Variants in ULK2 observed in about 807,000 individuals in gnomAD.
ULK2 encodes serine/threonine-protein kinase ULK2.
Under a neutral mutation model 127.5 loss-of-function variants are expected in ULK2, and 76 were observed. That is an observed-to-expected ratio of 0.60 (90% CI 0.50 to 0.72). The LOEUF (loss-of-function observed/expected upper bound fraction) is 0.72. ULK2 is among the 30% of genes least tolerant of loss of function. The pLI, the probability that ULK2 is intolerant of heterozygous loss-of-function variation, is 0.00. For missense variants in ULK2, 1,144 were observed against 1,295.9 expected (o/e 0.88, Z 1.80); for synonymous variants, 452 against 461.9 (o/e 0.98, Z 0.28).
At chr17:19,792,738 AC>A (rs1201058674) in intron 20 of ULK2, among the ~76,000 whole-genome samples, 1 of 151,536 alleles carries the variant, frequency 6.6e-6, no homozygotes, top group Non-Finnish European at 1.5e-5. Flanking sequence ...ACACAAAAAA[AC>A]AAACAAAAAA....
chr17:19,817,012 C>G, intron 12 of ULK2, 92 bp from the exon 13 acceptor site: 1 of 1,176,906 alleles, frequency 8.5e-7, no homozygotes. Flanking sequence ...TTTTCCCCCA[C>G]AAAAGTGGGC....
intron 10 of ULK2, among the ~76,000 whole-genome samples, chr17:19,827,423 C>T (rs997942385): frequency 4.6e-5 from 7 of 152,200 alleles, no homozygotes; most frequent in Admixed American, 3.9e-4. Context: ...TTATACTATA[C>T]ATTAGCAAAC....
At chr17:19,792,060 T>C (rs902963250) in intron 20 of ULK2, among the ~76,000 whole-genome samples, 27 of 151,962 alleles carry the variant, frequency 1.8e-4, no homozygotes, top group African/African-American at 6.5e-4. Flanking sequence ...ACTAAACCTA[T>C]GGGATTACAG....
Position 19,774,486 on chromosome 17 carries a change from C to T in ULK2, c.*1863G>A, listed in dbSNP as rs1339221300. The T allele has an allele frequency of 6.6e-6, 1 of 152,146 alleles. No individual in the cohort carries two copies. Among genetic ancestry groups the T allele is most frequent in the Non-Finnish European group, 1.5e-5 (1 of 68,036 alleles). 9.4% of individuals were successfully genotyped at this position (152,146 alleles called of 1,614,324 possible). The stretch of plus-strand genomic sequence containing the variant: ...AGGAGAGGATAGAATAAACCTACAA[C>T]TGAGATAACACAGGTGATAACTGAA... On this transcript the variant is annotated 3_prime_UTR_variant, in exon 27 of 27. Coordinates refer to ENST00000395544, the MANE Select transcript of ULK2 (RefSeq NM_014683.4).
At chr17:19,823,875 G>A (rs1462378599) in intron 12 of ULK2, among the ~76,000 whole-genome samples, 1 of 152,144 alleles carries the variant, frequency 6.6e-6, no homozygotes, top group African/African-American at 2.4e-5. Context: ...TTTGCTGCCA[G>A]TTTTGAGACT....
chr17:19,810,517 T>C, intron 13 of ULK2, 79 bp from the exon 14 acceptor site: 1 of 849,774 alleles, frequency 1.2e-6, no homozygotes. Flanking sequence ...AAATGATTAT[T>C]AGGATTTCAT....
intron 1 of ULK2, 96 bp downstream of exon 1, chr17:19,867,232 A>G: frequency 1.0e-6 from 1 of 959,940 alleles, no homozygotes; most frequent in Non-Finnish European, 1.4e-6. Flanking sequence ...CGGCTAGCCG[A>G]GTCGGGGGTC....
At chr17:19,820,702 C>A (rs2041119558) in intron 12 of ULK2, among the ~76,000 whole-genome samples, 2 of 152,336 alleles carry the variant, frequency 1.3e-5, no homozygotes, top group East Asian at 1.9e-4. Flanking sequence ...TCTATGACTT[C>A]ATGTACGGAA....
intron 12 of ULK2, among the ~76,000 whole-genome samples, chr17:19,824,132 G>A (rs1237148570): frequency 1.3e-5 from 2 of 152,098 alleles, no homozygotes; most frequent in Non-Finnish European, 2.9e-5. Flanking sequence ...CACTTTTATG[G>A]CTCCCCTATC....
intron 20 of ULK2, among the ~76,000 whole-genome samples, chr17:19,791,653 C>A (rs1384259457): frequency 6.6e-6 from 1 of 151,968 alleles, no homozygotes; most frequent in Non-Finnish European, 1.5e-5. Flanking sequence ...CTAATGTACT[C>A]CAGCCTGGGC....
intron 20 of ULK2, among the ~76,000 whole-genome samples, chr17:19,793,352 ACCCT>A (rs2087197897): frequency 6.6e-6 from 1 of 152,080 alleles, no homozygotes; most frequent in African/African-American, 2.4e-5. Flanking sequence ...ACAAAACCTA[ACCCT>A]ATCAATGGTC....
chr17:19,802,492 G>GC (rs1169211522), intron 15 of ULK2, among the ~76,000 whole-genome samples: 1 of 152,096 alleles, frequency 6.6e-6, no homozygotes, highest in Non-Finnish European at 1.5e-5. Flanking sequence ...AAGAAGCATG[G>GC]CATTATTTTA....
intron 10 of ULK2, among the ~76,000 whole-genome samples, chr17:19,833,627 A>G (rs888121276): frequency 1.3e-5 from 2 of 152,116 alleles, no homozygotes; most frequent in Admixed American, 1.3e-4. Context: ...GGAGACAGCG[A>G]CTCATCAAAT....
intron 3 of ULK2, among the ~76,000 whole-genome samples, chr17:19,862,103 T>C (rs1294245938): frequency 6.6e-6 from 1 of 152,042 alleles, no homozygotes; most frequent in Non-Finnish European, 1.5e-5. Flanking sequence ...TTTTCTTTTT[T>C]TTTTCCCCCC....
At position 19,867,522 on chromosome 17, in the gene ULK2, C is replaced by T. The variant is rs952200469; in HGVS notation, c.-105G>A. Reference sequence around the variant, plus strand: ...CGGAGCGCGCCAGCGTGCGGCGGGTCTGGGGCAGCCGCAGCCCCGGGCCCG... The same window carrying T: ...CGGAGCGCGCCAGCGTGCGGCGGGTTTGGGGCAGCCGCAGCCCCGGGCCCG... On this transcript the variant is annotated 5_prime_UTR_variant, in exon 1 of 27. Transcript: ENST00000395544. The T allele has an allele frequency of 4.1e-6, 3 of 738,244 alleles. No homozygotes were observed. Among genetic ancestry groups the T allele is most frequent in the Admixed American group, 4.6e-5 (1 of 21,550 alleles). 45.7% of individuals were successfully genotyped at this position (738,244 alleles called of 1,614,324 possible).
chr17:19,799,192 T>C (rs142969721), intron 17 of ULK2, among the ~76,000 whole-genome samples: 41 of 150,694 alleles, frequency 2.7e-4, no homozygotes, highest in African/African-American at 9.3e-4. Context: ...TATTAATCAA[T>C]AGTATTAAAG....
Position 19,841,506 on chromosome 17 carries a change from GT to G in ULK2, c.686del (p.Asn229ThrfsTer4). On this transcript the variant is annotated frameshift_variant, in exon 9 of 27. Coordinates refer to ENST00000395544, the MANE Select transcript of ULK2 (RefSeq NM_014683.4). LOFTEE classifies it high-confidence loss of function. Reference sequence around the variant, plus strand: ...ACACATACCTAGGCATTAAGCTCCTGTTTTTTTCATAAAACATCCTTAAGTC... The same window carrying G: ...ACACATACCTAGGCATTAAGCTCCTGTTTTTTCATAAAACATCCTTAAGTC... The part of the protein sequence containing the change: ...PQDLRMFYEK[N>X]RSLMPSIPRE... 2 of 1,589,788 alleles carry G rather than the reference GT, an allele frequency of 1.3e-6. No homozygotes were observed. The highest frequency in any genetic ancestry group is 1.8e-5 in the Admixed American group (1 of 54,100).
At chr17:19,829,800 C>T (rs915560850) in intron 10 of ULK2, among the ~76,000 whole-genome samples, 2 of 140,926 alleles carry the variant, frequency 1.4e-5, no homozygotes, top group Admixed American at 1.5e-4. Flanking sequence ...GATCGCGCCA[C>T]TGCACTCCAG....
chr17:19,786,231 C>A, intron 20 of ULK2, 145 bp from the exon 21 acceptor site: 1 of 645,534 alleles, frequency 1.5e-6, no homozygotes, highest in Non-Finnish European at 2.4e-6. Context: ...ACTTATTGCT[C>A]TTAAAATCAG....
Sources: allele counts gnomAD v4.1 joint callset (sites outside exome capture counted in the v4.1 genomes callset), GRCh38; gene constraint gnomAD v4.1.1; transcripts MANE v1.5; gene names NCBI Gene and HGNC (gene_info 2026-07-23, HGNC 2026-07-21).